Variants in DLG1 observed in about 807,000 individuals in gnomAD.
The protein encoded by DLG1 is disks large homolog 1.
A neutral mutation model predicts 123.4 loss-of-function variants in DLG1; 42 were observed. The ratio of observed to expected loss-of-function variants is 0.34; its 90% CI spans 0.27 to 0.44. The LOEUF (loss-of-function observed/expected upper bound fraction) is 0.44. Among genes scored for constraint, DLG1 ranks in the 20% least tolerant of loss-of-function variants. DLG1 has a pLI of 1.00. For missense variants in DLG1, 942 were observed against 1,082.6 expected, an observed-to-expected ratio of 0.87 and a Z score of 1.82; for synonymous variants, 317 against 356.2, an observed-to-expected ratio of 0.89 and a Z score of 1.24.
At chr3:197,260,056 C>G (rs551104096) in intron 4 of DLG1, among the ~76,000 whole-genome samples, 52 of 152,190 alleles carry the variant, frequency 3.4e-4, no homozygotes, top group Non-Finnish European at 6.3e-4. Flanking sequence ...GAAAAAACAT[C>G]TGTGCAACAC....
intron 13 of DLG1, among the ~76,000 whole-genome samples, chr3:197,107,099 C>T (rs9811712): frequency 0.28 from 41,894 of 151,958 alleles, 6,281 homozygotes; most frequent in African/African-American, 0.37. Flanking sequence ...TATACCTATT[C>T]GGTATATTTC....
At chr3:197,250,518 G>A (rs530823877) in intron 4 of DLG1, among the ~76,000 whole-genome samples, 18 of 149,958 alleles carry the variant, frequency 1.2e-4, no homozygotes, top group African/African-American at 2.2e-4. Flanking sequence ...GCAGTGAGCC[G>A]AGATCATGCC....
chr3:197,158,657 A>AAAG (rs1797498843), intron 5 of DLG1, among the ~76,000 whole-genome samples: 5 of 109,964 alleles, frequency 4.5e-5, no homozygotes, highest in African/African-American at 1.4e-4. Flanking sequence ...AAAAAAAAAA[A>AAAG]GCCCAGAGGC....
In DLG1 at chr3:197,154,299, C is replaced by CA. The variant is rs985643607; in HGVS notation, c.484-4504dup. 1.5e-3 allele frequency among the ~76,000 whole-genome samples: 227 copies of CA among 150,412 alleles called. 1 individual carries two copies. The highest frequency in any genetic ancestry group is 1.7e-3 in the Non-Finnish European group (118 of 67,542). ...CCTGGGCAACAGAGCAAGACTCTGT[C>CA]AAAAAAAACAAAACAAAACCAAAAA... is the stretch of plus-strand genomic sequence containing the variant. On this transcript the variant is annotated intron_variant, in intron 5 of 24. Coordinates refer to ENST00000667157, the MANE Select transcript of DLG1 (RefSeq NM_001366207.1).
At position 197,043,342 on chromosome 3, in the gene DLG1, G is replaced by A. The variant is rs1440326287; in HGVS notation, c.*1281C>T. On this transcript the variant is annotated 3_prime_UTR_variant, in exon 25 of 25. Transcript: ENST00000667157. ...ATGACAAGAACAACAGTAACAACAC[G>A]GACAACAACAAAAAACCTCAGGAAC... The A allele has an allele frequency of 2.0e-5, 3 of 151,888 alleles. No homozygotes were observed. The highest frequency in any genetic ancestry group is 4.4e-5 in the Non-Finnish European group (3 of 67,952). 9.4% of individuals were successfully genotyped at this position (151,888 alleles called of 1,614,324 possible). A position where few individuals can be genotyped will look rare whatever the true frequency, so the allele number is the denominator to read the frequency against.
At chr3:197,117,613 C>T (rs1774018322) in intron 12 of DLG1, among the ~76,000 whole-genome samples, 1 of 152,016 alleles carries the variant, frequency 6.6e-6, no homozygotes, top group Non-Finnish European at 1.5e-5. Context: ...TATAAACTAT[C>T]CAGAATAGGC....
chr3:197,185,635 T>C (rs1402519327), intron 5 of DLG1, among the ~76,000 whole-genome samples: 2 of 152,216 alleles, frequency 1.3e-5, no homozygotes, highest in African/African-American at 4.8e-5. Flanking sequence ...ACCAGGTACC[T>C]AGTAAAGACC....
At chr3:197,272,161 T>C (rs1051690271) in intron 4 of DLG1, among the ~76,000 whole-genome samples, 6 of 152,130 alleles carry the variant, frequency 3.9e-5, no homozygotes, top group African/African-American at 1.2e-4. Context: ...AGATGCCAAA[T>C]TGATTGTAGT....
At chr3:197,273,866 C>A (rs372651730) in intron 4 of DLG1, among the ~76,000 whole-genome samples, 2,203 of 28,606 alleles carry the variant, frequency 0.077, 47 homozygotes, top group African/African-American at 0.16. Context: ...AAAAAAAAAA[C>A]CAAAACAAAC....
At chr3:197,206,238 G>A (rs1383221891) in intron 4 of DLG1, among the ~76,000 whole-genome samples, 1 of 152,116 alleles carries the variant, frequency 6.6e-6, no homozygotes, top group East Asian at 1.9e-4. Context: ...ATTCTTCTAA[G>A]ATGGCATTTA....
rs150357566 is a variant in DLG1 at position 197,076,593 on chromosome 3, A to C, written c.1998T>G (p.Asp666Glu). 1.2e-6 allele frequency: 2 copies of C among 1,611,376 alleles called. No homozygotes were observed. The highest frequency in any genetic ancestry group is 2.7e-5 in the African/African-American group (2 of 74,836). ...NKDQSEQETS[D>E]ADQHVTSNAS... The stretch of plus-strand genomic sequence containing the variant: ...CTGGATCCACATACTTACGGTCAGC[A>C]TCACTTGTTTCCTGCTCACTCTGGT... Residue 666 changes from aspartate (D) to glutamate (E), a missense_variant, in exon 18 of 25, where the codon GAT becomes GAG. Physicochemically the swap from Asp to Glu is conservative, Grantham distance 45. Transcript: ENST00000667157.
chr3:197,126,558 A>C (rs535727032), intron 11 of DLG1, among the ~76,000 whole-genome samples: 3 of 152,226 alleles, frequency 2.0e-5, no homozygotes, highest in African/African-American at 4.8e-5. Flanking sequence ...TTAGATAGGC[A>C]GCATTTAAAA....
At chr3:197,054,429 A>ATTTCTCTG (rs56060935) in intron 23 of DLG1, among the ~76,000 whole-genome samples, 45,723 of 151,660 alleles carry the variant, frequency 0.3, 8,463 homozygotes, top group East Asian at 0.61. Context: ...TTCTTCAGTC[A>ATTTCTCTG]TTTCTCTGTT....
intron 3 of DLG1, among the ~76,000 whole-genome samples, chr3:197,285,118 C>A (rs1771228599): frequency 6.6e-6 from 1 of 151,262 alleles, no homozygotes; most frequent in East Asian, 1.9e-4. Context: ...AAAAATTTTT[C>A]ATTACCTTTG....
intron 19 of DLG1, among the ~76,000 whole-genome samples, chr3:197,068,048 T>G (rs991603923): frequency 9.9e-5 from 15 of 152,262 alleles, no homozygotes; most frequent in African/African-American, 2.7e-4. Flanking sequence ...TGGTTTATAT[T>G]ATATGTATGT....
intron 5 of DLG1, chr3:197,183,890 G>A: frequency 6.7e-7 from 1 of 1,483,642 alleles, no homozygotes; most frequent in Non-Finnish European, 9.0e-7. Context: ...AAAAACTGCA[G>A]CTACAATTAC....
intron 5 of DLG1, among the ~76,000 whole-genome samples, chr3:197,188,035 T>TACCACC (rs201215982): frequency 3.3e-5 from 5 of 152,024 alleles, no homozygotes; most frequent in Admixed American, 6.6e-5. Context: ...CACCATCCAC[T>TACCACC]ACCACCACCA....
chr3:197,275,642 A>C (rs1766058144), intron 4 of DLG1, among the ~76,000 whole-genome samples: 1 of 152,234 alleles, frequency 6.6e-6, no homozygotes, highest in African/African-American at 2.4e-5. Flanking sequence ...AGCCAGACAA[A>C]GAAAGGCAAA....
At position 197,076,687 on chromosome 3, in the gene DLG1, TGAA is replaced by T. The variant is rs776097579; in HGVS notation, c.1906-5_1906-3del. On this transcript the variant is annotated splice_region_variant and splice_polypyrimidine_tract_variant and intron_variant, in intron 17 of 24. Transcript: ENST00000667157. ...TTTACGCTTGTCATTGAATGACTGC[TGAA>T]GAAGAGAAGGAGGGGCAAAACAAAG... 2 of 1,610,442 alleles carry T rather than the reference TGAA, an allele frequency of 1.2e-6. No homozygotes were observed. The highest frequency in any genetic ancestry group is 2.7e-5 in the African/African-American group (2 of 74,814).
Sources: gnomAD v4.1 joint callset for allele counts (sites outside exome capture counted in the v4.1 genomes callset) on GRCh38, gnomAD v4.1.1 for gene constraint, MANE v1.5 for transcripts, NCBI Gene and HGNC (gene_info 2026-07-23, HGNC 2026-07-21) for gene names.